Variants in SHANK2 observed in about 807,000 individuals in gnomAD.
SHANK2 encodes SH3 and multiple ankyrin repeat domains protein 2.
A neutral mutation model predicts 133.7 loss-of-function variants in SHANK2; 43 were observed. The ratio of observed to expected loss-of-function variants is 0.32; its 90% confidence interval spans 0.25 to 0.41. The LOEUF is 0.41. SHANK2 is among the 10% of genes least tolerant of loss of function. SHANK2 has a pLI of 1.00. For missense variants in SHANK2, 1,994 were observed against 2,235.8 expected, an observed-to-expected ratio of 0.89 and a Z score of 2.18; for synonymous variants, 1,017 against 952.8, an observed-to-expected ratio of 1.07 and a Z score of -1.24.
Position 70,495,230 on chromosome 11 carries a change from G to A in SHANK2, c.2309-2765C>T, listed in dbSNP as rs568503269. Among the ~76,000 whole-genome samples, 6 of 152,218 alleles carry A rather than the reference G, an allele frequency of 3.9e-5. No individual in the cohort carries two copies. The South Asian group carries it at 8.3e-4, about 21-fold the overall frequency. On this transcript the variant is annotated intron_variant, in intron 21 of 25. Transcript: ENST00000601538. ...CCCTGTCAACCTCCCTGGGCTGCAC[G>A]GGCTGGGTCCACCTGCCATGGTCCC...
intron 17 of SHANK2, among the ~76,000 whole-genome samples, chr11:70,589,097 G>T (rs1447244511): frequency 6.6e-6 from 1 of 152,224 alleles, no homozygotes; most frequent in Non-Finnish European, 1.5e-5. Context: ...GATTACAGGC[G>T]TGAGCCACTG....
intron 17 of SHANK2, among the ~76,000 whole-genome samples, chr11:70,504,647 TTGGGAGAGAGG>T (rs1554967980): frequency 3.9e-5 from 6 of 152,160 alleles, no homozygotes; most frequent in African/African-American, 1.4e-4. Context: ...TAATGGGGCC[TTGGGAGAGAGG>T]CCCACCTACA....
At chr11:70,902,243 C>T (rs531027733) in intron 10 of SHANK2, among the ~76,000 whole-genome samples, 1 of 152,222 alleles carries the variant, frequency 6.6e-6, no homozygotes, top group Non-Finnish European at 1.5e-5. Flanking sequence ...TTCTCACTTC[C>T]GTATCTGCTG....
At chr11:71,248,345 C>T (rs1249915346) in intron 1 of SHANK2, among the ~76,000 whole-genome samples, 4 of 152,240 alleles carry the variant, frequency 2.6e-5, no homozygotes, top group Non-Finnish European at 4.4e-5. Context: ...GACCGCAGCG[C>T]GATTTCACAG....
chr11:70,490,064 G>T (rs1555155354), intron 23 of SHANK2: 1 of 531,004 alleles, frequency 1.9e-6, no homozygotes, highest in Non-Finnish European at 3.4e-6. Flanking sequence ...TGTCCTTCAG[G>T]GGGGATGAGT....
chr11:70,900,697 G>A (rs1407895636), intron 10 of SHANK2, among the ~76,000 whole-genome samples: 4 of 152,202 alleles, frequency 2.6e-5, no homozygotes, highest in Non-Finnish European at 4.4e-5. Context: ...TTGCCTGACT[G>A]TTTCTCCCCT....
At chr11:70,572,721 A>G (rs781907823) in intron 17 of SHANK2, among the ~76,000 whole-genome samples, 66 of 152,174 alleles carry the variant, frequency 4.3e-4, no homozygotes, top group Admixed American at 2.3e-3. Flanking sequence ...GCCACCTCAC[A>G]CTGTTCCAAA....
chr11:71,114,990 G>A (rs530785679), intron 4 of SHANK2, among the ~76,000 whole-genome samples: 84 of 152,198 alleles, frequency 5.5e-4, no homozygotes, highest in Middle Eastern at 6.8e-3. Context: ...AGAGGACACC[G>A]GCTCAGGACC....
At chr11:70,613,810 G>C (rs1406984611) in intron 17 of SHANK2, among the ~76,000 whole-genome samples, 2 of 126,012 alleles carry the variant, frequency 1.6e-5, no homozygotes, top group Non-Finnish European at 3.2e-5. Context: ...TGTCACCCAG[G>C]CTGGAGTGTA....
intron 14 of SHANK2, among the ~76,000 whole-genome samples, chr11:70,734,680 G>A (rs1555033089): frequency 6.6e-6 from 1 of 152,202 alleles, no homozygotes; most frequent in African/African-American, 2.4e-5. Context: ...TTCAGCAGGG[G>A]CCCCACAGCC....
intron 17 of SHANK2, among the ~76,000 whole-genome samples, chr11:70,503,741 C>T (rs1554967777): frequency 6.6e-6 from 1 of 152,234 alleles, no homozygotes; most frequent in African/African-American, 2.4e-5. Context: ...TCCCCCTGGC[C>T]CCTCTGCTAT....
chr11:70,774,677 G>C (rs1396943271), intron 14 of SHANK2, among the ~76,000 whole-genome samples: 1 of 152,136 alleles, frequency 6.6e-6, no homozygotes, highest in Non-Finnish European at 1.5e-5. Context: ...TGAGATTAGA[G>C]AGTGGTGATG....
In SHANK2 at chr11:70,820,619, G is replaced by A. The variant is rs1948497288; in HGVS notation, c.1238C>T (p.Ala413Val). The A allele has an allele frequency of 1.4e-6, 1 of 713,604 alleles. No individual in the cohort carries two copies. Among genetic ancestry groups the A allele is most frequent in the Non-Finnish European group, 2.6e-6 (1 of 382,724 alleles). The allele number at this position is 713,604 out of a possible 1,614,324, so 44.2% of individuals were successfully genotyped here. Residue 413 changes from alanine to valine, a missense_variant, in exon 12 of 26, where the codon GCC (alanine) becomes GTC (valine). Coordinates refer to ENST00000601538, the MANE Select transcript of SHANK2 (RefSeq NM_012309.5). The stretch of plus-strand genomic sequence containing the variant: ...GTTGGAGCGCAGCAGGACCCGGGGG[G>A]CGGCCAGCGTGTTGGGGGGCCGCCG... The part of the protein sequence containing the change: ...RRRRPPNTLA[A>V]PRVLLRSNSD...
At chr11:70,923,613 A>G (rs1168058135) in intron 10 of SHANK2, among the ~76,000 whole-genome samples, 1 of 152,102 alleles carries the variant, frequency 6.6e-6, no homozygotes, top group Non-Finnish European at 1.5e-5. Context: ...GCGTGACGTA[A>G]CCTCAGTTCA....
intron 14 of SHANK2, among the ~76,000 whole-genome samples, chr11:70,751,587 C>A (rs1194936479): frequency 2.6e-5 from 4 of 152,142 alleles, no homozygotes; most frequent in Non-Finnish European, 5.9e-5. Flanking sequence ...GAAGTACAGA[C>A]AAAATGGTCA....
chr11:70,734,266 G>T (rs1050157751), intron 14 of SHANK2, among the ~76,000 whole-genome samples: 2 of 152,228 alleles, frequency 1.3e-5, no homozygotes, highest in African/African-American at 4.8e-5. Context: ...TAACTGGGTT[G>T]TTCGAGAATG....
chr11:70,637,407 G>C (rs1395081527), intron 17 of SHANK2, among the ~76,000 whole-genome samples: 1 of 152,154 alleles, frequency 6.6e-6, no homozygotes, highest in Non-Finnish European at 1.5e-5. Context: ...ATTCACAGAT[G>C]GGGGCAGGTG....
chr11:70,660,097 G>T, intron 16 of SHANK2, 145 bp from the exon 17 acceptor site: 1 of 988,094 alleles, frequency 1.0e-6, no homozygotes, highest in Non-Finnish European at 1.6e-6. Flanking sequence ...TCTCCCCCAG[G>T]AAGGGCTTGA....
intron 14 of SHANK2, among the ~76,000 whole-genome samples, chr11:70,788,653 G>A (rs1947721031): frequency 6.6e-6 from 1 of 152,272 alleles, no homozygotes; most frequent in Middle Eastern, 3.4e-3. Context: ...GATAACAGGG[G>A]ACTGCTGCAG....
Sources: allele counts gnomAD v4.1 joint callset (sites outside exome capture counted in the v4.1 genomes callset), GRCh38; gene constraint gnomAD v4.1.1; transcripts MANE v1.5; gene names NCBI Gene and HGNC (gene_info 2026-07-23, HGNC 2026-07-21).